The following ADAM10 variants were observed in gnomAD, a reference collection of about 807,000 sequenced individuals.
ADAM10 encodes disintegrin and metalloproteinase domain-containing protein 10.
ADAM10 carries 17 observed loss-of-function variants against 90.1 expected under a neutral mutation model. The observed-to-expected ratio is 0.19, with a 90% CI of 0.13 to 0.28. The LOEUF is 0.28. Among genes scored for constraint, ADAM10 ranks in the 10% least tolerant of loss-of-function variants. The pLI is 1.00. For synonymous variants in ADAM10, 310 were observed against 298.6 expected (o/e 1.04, Z -0.40); for missense variants, 610 against 914.3 (o/e 0.67, Z 4.29).
At chr15:58,598,627 A>G (rs1434848119) in intron 15 of ADAM10, among the ~76,000 whole-genome samples, 1 of 152,174 alleles carries the variant, frequency 6.6e-6, no homozygotes, top group Non-Finnish European at 1.5e-5. Flanking sequence ...AGGAGAGGGA[A>G]CTGCTGTCAT....
At chr15:58,600,710 G>C (rs1237674392) in intron 14 of ADAM10, among the ~76,000 whole-genome samples, 1 of 152,106 alleles carries the variant, frequency 6.6e-6, no homozygotes, top group African/African-American at 2.4e-5. Flanking sequence ...ACTGTGTCTA[G>C]TCTTAAATTA....
intron 3 of ADAM10, among the ~76,000 whole-genome samples, chr15:58,681,807 T>C (rs982950548): frequency 1.3e-5 from 2 of 152,216 alleles, no homozygotes; most frequent in Non-Finnish European, 2.9e-5. Flanking sequence ...TCTGTCACAT[T>C]ATTTTTGGCT....
At chr15:58,629,917 C>T (rs1487810784) in intron 9 of ADAM10, among the ~76,000 whole-genome samples, 2 of 152,074 alleles carry the variant, frequency 1.3e-5, no homozygotes, top group African/African-American at 4.8e-5. Context: ...CAGGTGCAGT[C>T]CAGCACACCC....
At chr15:58,713,550 T>C (rs1898544914) in intron 2 of ADAM10, among the ~76,000 whole-genome samples, 1 of 152,198 alleles carries the variant, frequency 6.6e-6, no homozygotes, top group Admixed American at 6.5e-5. Flanking sequence ...ATAACTGACA[T>C]ATATACAGCA....
At chr15:58,666,879 C>G (rs1349639366) in intron 4 of ADAM10, among the ~76,000 whole-genome samples, 1 of 152,074 alleles carries the variant, frequency 6.6e-6, no homozygotes, top group Non-Finnish European at 1.5e-5. Flanking sequence ...ATTCTGTCAG[C>G]ACAAAACTCT....
intron 4 of ADAM10, chr15:58,676,224 C>A: frequency 4.5e-6 from 2 of 447,822 alleles, no homozygotes; most frequent in Admixed American, 2.4e-5. Flanking sequence ...AGCAGAAGAG[C>A]ACAGGGTAAA....
chr15:58,666,002 G>A (rs1296183889), intron 4 of ADAM10, among the ~76,000 whole-genome samples: 1 of 151,646 alleles, frequency 6.6e-6, no homozygotes, highest in African/African-American at 2.4e-5. Context: ...TTCTGAACTT[G>A]TCACTATTGA....
At chr15:58,639,349 T>G (rs1896353638) in intron 8 of ADAM10, among the ~76,000 whole-genome samples, 1 of 152,186 alleles carries the variant, frequency 6.6e-6, no homozygotes, top group Non-Finnish European at 1.5e-5. Context: ...GAACCACTTG[T>G]TTGAGACTTC....
intron 14 of ADAM10, among the ~76,000 whole-genome samples, chr15:58,603,796 A>C (rs1480771402): frequency 6.6e-6 from 1 of 151,666 alleles, no homozygotes; most frequent in Non-Finnish European, 1.5e-5. Flanking sequence ...CTTTTTAAAA[A>C]GTAAATATCC....
At chr15:58,655,540 C>G (rs1290154556) in intron 5 of ADAM10, 3 of 150,992 alleles carry the variant, frequency 2.0e-5, no homozygotes, top group Admixed American at 6.6e-5. Flanking sequence ...CCAGGTCCCA[C>G]CTCCAGCACT....
intron 5 of ADAM10, 53 bp downstream of exon 5, chr15:58,665,044 A>G (rs763975654): frequency 2.4e-5 from 30 of 1,273,062 alleles, no homozygotes; most frequent in Non-Finnish European, 3.2e-5. Context: ...GTAGATATAC[A>G]TCCTCAAATT....
intron 6 of ADAM10, 98 bp downstream of exon 6, chr15:58,645,957 T>A: frequency 1.5e-6 from 2 of 1,335,456 alleles, no homozygotes; most frequent in Middle Eastern, 5.1e-4. Context: ...ACATACTTTT[T>A]CCCAAAAAGA....
intron 2 of ADAM10, among the ~76,000 whole-genome samples, chr15:58,685,313 T>C (rs1897558967): frequency 6.6e-6 from 1 of 150,512 alleles, no homozygotes; most frequent in South Asian, 2.1e-4. Flanking sequence ...TACAAAAAAT[T>C]AGCCGGGCGT....
Position 58,592,305 on chromosome 15 carries a change from T to C in ADAM10, c.*5242A>G, listed in dbSNP as rs1441972372. The C allele has an allele frequency of 6.6e-6, 1 of 152,222 alleles. No individual in the cohort carries two copies. Among genetic ancestry groups the C allele is most frequent in the East Asian group, 1.9e-4 (1 of 5,202 alleles). The allele number at this position is 152,222 out of a possible 1,614,324, so 9.4% of individuals were successfully genotyped here. A position where few individuals can be genotyped will look rare whatever the true frequency, so the allele number is the denominator to read the frequency against. ...TATCCTAATTCTATCATTTCTCTTA[T>C]TACCTGGAATTTCTTTAAAAGCGTA... On this transcript the variant is annotated 3_prime_UTR_variant, in exon 16 of 16. Transcript: ENST00000260408.
In ADAM10 at chr15:58,590,257, G is replaced by C. The variant is rs1894798015; in HGVS notation, c.*7290C>G. 6.6e-6 allele frequency: 1 copy of C among 151,996 alleles called. No individual in the cohort carries two copies. The highest frequency in any genetic ancestry group is 2.4e-5 in the African/African-American group (1 of 41,356). The allele number at this position is 151,996 out of a possible 1,614,324, so 9.4% of individuals were successfully genotyped here. A position where few individuals can be genotyped will look rare whatever the true frequency, so the allele number is the denominator to read the frequency against. On this transcript the variant is annotated 3_prime_UTR_variant, in exon 16 of 16. Coordinates refer to ENST00000260408, the MANE Select transcript of ADAM10 (RefSeq NM_001110.4). Reference sequence around the variant, plus strand: ...TCCTATCTCTGCATGATCAGCTCTTGGATCACCAAAAACCTCCTCCTCAGC... The same window carrying C: ...TCCTATCTCTGCATGATCAGCTCTTCGATCACCAAAAACCTCCTCCTCAGC...
At chr15:58,688,786 A>ATATATATCTCTC in intron 2 of ADAM10, among the ~76,000 whole-genome samples, 12 of 122,378 alleles carry the variant, frequency 9.8e-5, no homozygotes, top group African/African-American at 3.6e-4. Flanking sequence ...ATATATATAT[A>ATATATATCTCTC]TCTCTCTCTC....
Position 58,640,802 on chromosome 15 carries a change from A to G in ADAM10, c.987T>C (p.Gly329=). 2 of 1,614,122 alleles carry G rather than the reference A, an allele frequency of 1.2e-6. No individual in the cohort carries two copies. The highest frequency in any genetic ancestry group is 1.7e-6 in the Non-Finnish European group (2 of 1,179,996). ...TDRDFDDGVL[G]LAWVGAPSGS... ...CTGAAGGTGCTCCAACCCAAGCCAG[A>G]CCAAGTACGCCATCATCAAAATCTC... The change falls in exon 8 of 16, where the codon GGT becomes GGC. Residue 329 remains glycine, a synonymous_variant. Coordinates refer to ENST00000260408, the MANE Select transcript of ADAM10 (RefSeq NM_001110.4).
chr15:58,723,158 G>T (rs1444906797), intron 1 of ADAM10, among the ~76,000 whole-genome samples: 1 of 152,008 alleles, frequency 6.6e-6, no homozygotes, highest in Non-Finnish European at 1.5e-5. Context: ...GAAAATGTAG[G>T]AAAGCATGGC....
At chr15:58,603,452 C>T (rs1238658754) in intron 14 of ADAM10, among the ~76,000 whole-genome samples, 1 of 152,172 alleles carries the variant, frequency 6.6e-6, no homozygotes. Context: ...GTGAGCCAAT[C>T]CATGAGTACA....
Sources: allele counts gnomAD v4.1 joint callset (sites outside exome capture counted in the v4.1 genomes callset), GRCh38; gene constraint gnomAD v4.1.1; transcripts MANE v1.5; gene names NCBI Gene and HGNC (gene_info 2026-07-23, HGNC 2026-07-21).